The following ST6GALNAC3 variants were observed in gnomAD, a reference collection of about 807,000 sequenced individuals.
ST6GALNAC3 encodes the protein ST6 N-acetylgalactosaminide alpha-2,6-sialyltransferase 3.
Under a neutral mutation model 32.7 loss-of-function variants are expected in ST6GALNAC3, and 25 were observed. That is an observed-to-expected ratio of 0.76 (90% CI 0.56 to 1.07). The LOEUF (loss-of-function observed/expected upper bound fraction) is 1.07. Among genes scored for constraint, ST6GALNAC3 ranks in the 50% least tolerant of loss-of-function variants. The pLI, the probability that ST6GALNAC3 is intolerant of heterozygous loss-of-function variation, is 0.00. For missense variants in ST6GALNAC3, 355 were observed against 382.4 expected, an observed-to-expected ratio of 0.93 and a Z score of 0.60; for synonymous variants, 129 against 133.1, an observed-to-expected ratio of 0.97 and a Z score of 0.21.
At chr1:76,256,496 A>G (rs1657926606) in intron 1 of ST6GALNAC3, among the ~76,000 whole-genome samples, 1 of 152,160 alleles carries the variant, frequency 6.6e-6, no homozygotes, top group East Asian at 1.9e-4. Flanking sequence ...TGGCGTTGTA[A>G]GTGGCACCCT....
chr1:76,600,542 C>T (rs1196070003), intron 3 of ST6GALNAC3, among the ~76,000 whole-genome samples: 1 of 152,132 alleles, frequency 6.6e-6, no homozygotes, highest in African/African-American at 2.4e-5. Flanking sequence ...TCTGCTCATT[C>T]CCCTCCAAAA....
intron 3 of ST6GALNAC3, among the ~76,000 whole-genome samples, chr1:76,616,307 G>C (rs536201984): frequency 6.6e-6 from 1 of 152,262 alleles, no homozygotes; most frequent in South Asian, 2.1e-4. Context: ...CAATAATAGA[G>C]AGAAAAACAG....
intron 3 of ST6GALNAC3, among the ~76,000 whole-genome samples, chr1:76,604,902 T>G (rs1250661259): frequency 2.6e-5 from 4 of 152,224 alleles, no homozygotes; most frequent in Admixed American, 2.6e-4. Context: ...ATTAGAGATC[T>G]TTATTTTCTC....
chr1:76,606,860 T>G (rs1356306263), intron 3 of ST6GALNAC3, among the ~76,000 whole-genome samples: 1 of 150,682 alleles, frequency 6.6e-6, no homozygotes, highest in Non-Finnish European at 1.5e-5. Flanking sequence ...GTGTGGGTTT[T>G]TTTTTTTTTT....
Position 76,628,969 on chromosome 1 carries a change from A to G in ST6GALNAC3, c.*163A>G. ...TGGATGGTGACTCTGCTAGTAATTT[A>G]AACTTGGCATTTCATGGAGGATGGT... On this transcript the variant is annotated 3_prime_UTR_variant, in exon 5 of 5. Transcript: ENST00000328299. 7.0e-7 allele frequency: 1 copy of G among 1,422,060 alleles called. No individual in the cohort carries two copies. The highest frequency in any genetic ancestry group is 9.1e-7 in the Non-Finnish European group (1 of 1,096,732). The allele number at this position is 1,422,060 out of a possible 1,614,324, so 88.1% of individuals were successfully genotyped here.
rs71071991 is a variant in ST6GALNAC3, at chr1:76,183,851, AATATAT to A, written c.18+108984_18+108989del. 1.1e-4 allele frequency among the ~76,000 whole-genome samples: 13 copies of A among 118,612 alleles called. 1 individual carries two copies. Among genetic ancestry groups the A allele is most frequent in the African/African-American group, 3.5e-4 (10 of 28,732 alleles). The allele number at this position is 118,612 out of a possible 152,430, so 77.8% of individuals were successfully genotyped here. A position where few individuals can be genotyped will look rare whatever the true frequency, so the allele number is the denominator to read the frequency against. On this transcript the variant is annotated intron_variant, in intron 1 of 4. Coordinates refer to ENST00000328299, the MANE Select transcript of ST6GALNAC3 (RefSeq NM_152996.4). ...GTTGTTGACCAAAATGTAGTGCATG[AATATAT>A]ATATATATATATATATGTATGTTAC...
intron 1 of ST6GALNAC3, among the ~76,000 whole-genome samples, chr1:76,267,925 G>T (rs146497903): frequency 3.9e-5 from 6 of 152,294 alleles, no homozygotes; most frequent in African/African-American, 1.4e-4. Flanking sequence ...GTATAGAGAA[G>T]AGAAAAGGAA....
intron 3 of ST6GALNAC3, among the ~76,000 whole-genome samples, chr1:76,594,410 A>G (rs1340368184): frequency 6.6e-6 from 1 of 152,160 alleles, no homozygotes; most frequent in Non-Finnish European, 1.5e-5. Flanking sequence ...TTATCTCAAT[A>G]CCTATATTGA....
At chr1:76,339,748 C>T (rs1032369311) in intron 2 of ST6GALNAC3, among the ~76,000 whole-genome samples, 1 of 152,070 alleles carries the variant, frequency 6.6e-6, no homozygotes, top group Non-Finnish European at 1.5e-5. Context: ...GACCAAGCAA[C>T]TCCTCTAATC....
At chr1:76,398,333 T>C (rs1029350808) in intron 2 of ST6GALNAC3, among the ~76,000 whole-genome samples, 2 of 152,174 alleles carry the variant, frequency 1.3e-5, no homozygotes, top group Admixed American at 6.5e-5. Flanking sequence ...TAGAACACTG[T>C]TTTTGAAGAA....
intron 1 of ST6GALNAC3, among the ~76,000 whole-genome samples, chr1:76,136,379 A>G (rs999347754): frequency 2.0e-5 from 3 of 152,188 alleles, no homozygotes; most frequent in Non-Finnish European, 4.4e-5. Flanking sequence ...GAGGGTTTTG[A>G]TATTAGTGCT....
intron 2 of ST6GALNAC3, among the ~76,000 whole-genome samples, chr1:76,392,864 T>G (rs1212003878): frequency 6.6e-6 from 1 of 152,216 alleles, no homozygotes; most frequent in Non-Finnish European, 1.5e-5. Context: ...AAGAACACAT[T>G]CAAAGCGTCA....
rs562730152 is a variant in ST6GALNAC3 at position 76,114,094 on chromosome 1, C to T, written c.18+39210C>T. ...CTGACTTCAGGTGATCCACCCGCCT[C>T]GGCCTCCCAACGTGCTGGGATTACA... On this transcript the variant is annotated intron_variant, in intron 1 of 4. Transcript: ENST00000328299. Among the ~76,000 whole-genome samples, 10 of 151,408 alleles carry T rather than the reference C, an allele frequency of 6.6e-5. No homozygotes were observed. In the South Asian group the frequency reaches 8.3e-4, roughly 13 times the overall value.
At chr1:76,285,524 A>T (rs1428116862) in intron 1 of ST6GALNAC3, among the ~76,000 whole-genome samples, 1 of 152,206 alleles carries the variant, frequency 6.6e-6, no homozygotes, top group East Asian at 1.9e-4. Context: ...AATCAAGAAT[A>T]AAAAATGAAT....
At chr1:76,546,462 G>T (rs1664304771) in intron 3 of ST6GALNAC3, among the ~76,000 whole-genome samples, 1 of 152,296 alleles carries the variant, frequency 6.6e-6, no homozygotes, top group South Asian at 2.1e-4. Flanking sequence ...AAAGGAAGAA[G>T]CTGCTCCTTT....
intron 3 of ST6GALNAC3, among the ~76,000 whole-genome samples, chr1:76,455,173 A>T (rs937929077): frequency 6.6e-6 from 1 of 151,804 alleles, no homozygotes; most frequent in Non-Finnish European, 1.5e-5. Flanking sequence ...TTCTTATTTT[A>T]TGGCTACAAT....
intron 1 of ST6GALNAC3, among the ~76,000 whole-genome samples, chr1:76,283,172 C>T (rs1006818157): frequency 1.3e-5 from 2 of 152,124 alleles, no homozygotes; most frequent in Non-Finnish European, 2.9e-5. Flanking sequence ...GACCACTGAG[C>T]TAGGAACTAG....
chr1:76,196,120 G>A (rs997314403), intron 1 of ST6GALNAC3, among the ~76,000 whole-genome samples: 3 of 152,180 alleles, frequency 2.0e-5, no homozygotes, highest in African/African-American at 7.2e-5. Context: ...TTAGAACAGA[G>A]CTTGGCACAC....
intron 3 of ST6GALNAC3, among the ~76,000 whole-genome samples, chr1:76,472,587 A>C (rs1212063961): frequency 6.6e-6 from 1 of 152,162 alleles, no homozygotes; most frequent in African/African-American, 2.4e-5. Flanking sequence ...GACAATAGGC[A>C]TGTTACCAAA....
Sources: gnomAD v4.1 joint callset for allele counts (sites outside exome capture counted in the v4.1 genomes callset) on GRCh38, gnomAD v4.1.1 for gene constraint, MANE v1.5 for transcripts, NCBI Gene and HGNC (gene_info 2026-07-23, HGNC 2026-07-21) for gene names.